CTNNA3: variants seen among roughly 807,000 people sequenced by gnomAD.
The protein encoded by CTNNA3 is catenin alpha-3.
CTNNA3 carries 76 observed loss-of-function variants against 95.7 expected under a neutral mutation model. That is an observed-to-expected ratio of 0.79 (90% confidence interval 0.66 to 0.96). The LOEUF is 0.96. Among genes scored for constraint, CTNNA3 ranks in the 40% least tolerant of loss-of-function variants. CTNNA3 has a pLI of 0.00. For missense variants in CTNNA3, 1,191 were observed against 1,089.8 expected (o/e 1.09, Z -1.31); for synonymous variants, 431 against 374.4 (o/e 1.15, Z -1.74).
intron 7 of CTNNA3, among the ~76,000 whole-genome samples, chr10:67,007,880 G>A (rs1418059396): frequency 6.6e-6 from 1 of 151,854 alleles, no homozygotes; most frequent in African/African-American, 2.4e-5. Context: ...TATATACAAA[G>A]GAAGCTACAG....
chr10:66,861,362 TC>T (rs544492747), intron 7 of CTNNA3, among the ~76,000 whole-genome samples: 11 of 152,100 alleles, frequency 7.2e-5, no homozygotes, highest in Non-Finnish European at 1.2e-4. Flanking sequence ...TACACCAGTT[TC>T]CCCCACATCC....
chr10:67,414,827 A>G (rs1845488134), intron 5 of CTNNA3, among the ~76,000 whole-genome samples: 1 of 152,248 alleles, frequency 6.6e-6, no homozygotes, highest in African/African-American at 2.4e-5. Flanking sequence ...AAATACTTGC[A>G]TATGTTGCAA....
At chr10:67,579,881 G>A (rs535485815) in intron 3 of CTNNA3, among the ~76,000 whole-genome samples, 222 of 152,178 alleles carry the variant, frequency 1.5e-3, no homozygotes, top group African/African-American at 4.9e-3. Context: ...CATATCCTTC[G>A]CCCATTTTTT....
chr10:67,124,415 T>C (rs755039788), intron 7 of CTNNA3, among the ~76,000 whole-genome samples: 3 of 146,244 alleles, frequency 2.1e-5, no homozygotes, highest in Non-Finnish European at 3.0e-5. Context: ...AAACACTCTT[T>C]ACTCCCAATC....
rs1564841578 is a variant in CTNNA3, at chr10:67,727,079, T to C, written c.-2+36355A>G. On this transcript the variant is annotated intron_variant, in intron 1 of 17. Coordinates refer to the CTNNA3 transcript ENST00000684154. ...ATAATTATATATAATATATGATACA[T>C]ATATGATATAATTATATATAATATA... Among the ~76,000 whole-genome samples the C allele has an allele frequency of 1.8e-5, 2 of 112,828 alleles. 1 individual carries two copies. The highest frequency in any genetic ancestry group is 8.0e-5 in the African/African-American group (2 of 24,878). 74.0% of individuals were successfully genotyped at this position (112,828 alleles called of 152,430 possible). A position where few individuals can be genotyped will look rare whatever the true frequency, so the allele number is the denominator to read the frequency against.
rs149934927 is a variant in CTNNA3, at chr10:65,934,854, G to A, written c.2401-14237C>T. On this transcript the variant is annotated intron_variant, in intron 17 of 17. Transcript: ENST00000433211. ...CCTAGGTAATCATTGATTGAGGACCGATATAAGATGGCCATTGATTTTAGG... is the reference window on the plus strand; with the variant it reads ...CCTAGGTAATCATTGATTGAGGACCAATATAAGATGGCCATTGATTTTAGG... Among the ~76,000 whole-genome samples the A allele has an allele frequency of 2.2e-3, 335 of 152,190 alleles. 3 individuals carry two copies. Among genetic ancestry groups the A allele is most frequent in the Admixed American group, 5.6e-3 (86 of 15,274 alleles).
At chr10:66,367,850 TATAATAATAATAATA>T (rs201921395) in intron 12 of CTNNA3, among the ~76,000 whole-genome samples, 1,776 of 100,176 alleles carry the variant, frequency 0.018, 25 homozygotes, top group Middle Eastern at 0.062. Flanking sequence ...AGGCTTCTTT[TATAATAATAATAATA>T]ATAATAATAA....
intron 13 of CTNNA3, among the ~76,000 whole-genome samples, chr10:66,269,995 A>G (rs998250877): frequency 1.3e-5 from 2 of 152,136 alleles, no homozygotes; most frequent in African/African-American, 2.4e-5. Context: ...CATCCTTGGA[A>G]CTCTTAAAAC....
chr10:66,123,136 T>C (rs1406258313), intron 13 of CTNNA3, among the ~76,000 whole-genome samples: 1 of 152,176 alleles, frequency 6.6e-6, no homozygotes, highest in Non-Finnish European at 1.5e-5. Flanking sequence ...CAAGGCAATT[T>C]CCTTCTGCTT....
At chr10:67,736,110 C>T (rs1841300823) in intron 1 of CTNNA3, among the ~76,000 whole-genome samples, 2 of 151,732 alleles carry the variant, frequency 1.3e-5, no homozygotes, top group East Asian at 3.9e-4. Context: ...ATTATTTAGC[C>T]AAAAAAAGAA....
chr10:66,755,464 A>T (rs1160373935), intron 9 of CTNNA3, among the ~76,000 whole-genome samples: 1 of 152,170 alleles, frequency 6.6e-6, no homozygotes, highest in Non-Finnish European at 1.5e-5. Context: ...TAGATATCTC[A>T]AAAAAGATCA....
chr10:66,773,260 CAG>C (rs553145859), intron 8 of CTNNA3, among the ~76,000 whole-genome samples: 257 of 152,306 alleles, frequency 1.7e-3, no homozygotes, highest in African/African-American at 5.8e-3. Flanking sequence ...CTACAACAGA[CAG>C]AACTTCTGCC....
intron 11 of CTNNA3, among the ~76,000 whole-genome samples, chr10:66,419,097 T>C (rs991359385): frequency 6.6e-6 from 1 of 152,076 alleles, no homozygotes; most frequent in Non-Finnish European, 1.5e-5. Flanking sequence ...TCTTTGCAGA[T>C]GACATGATAC....
intron 12 of CTNNA3, among the ~76,000 whole-genome samples, chr10:66,314,271 AT>A (rs1265085818): frequency 6.6e-6 from 1 of 152,232 alleles, no homozygotes; most frequent in Non-Finnish European, 1.5e-5. Flanking sequence ...GCTTTAGCTA[AT>A]TCATAAGTGA....
intron 7 of CTNNA3, among the ~76,000 whole-genome samples, chr10:67,040,555 G>T (rs1423921973): frequency 1.3e-5 from 2 of 151,932 alleles, no homozygotes; most frequent in Non-Finnish European, 2.9e-5. Context: ...AGTTCTTATG[G>T]ATTCTTCTGA....
At chr10:66,221,344 T>C (rs17835285) in intron 13 of CTNNA3, among the ~76,000 whole-genome samples, 14,985 of 152,298 alleles carry the variant, frequency 0.098, 928 homozygotes, top group Middle Eastern at 0.18. Context: ...GTGACCTGTA[T>C]CATAAACAAG....
At chr10:66,577,380 C>T (rs1843039531) in intron 10 of CTNNA3, among the ~76,000 whole-genome samples, 1 of 152,006 alleles carries the variant, frequency 6.6e-6, no homozygotes, top group Non-Finnish European at 1.5e-5. Flanking sequence ...CTTTTGGGAA[C>T]TTAGTCATAA....
intron 7 of CTNNA3, among the ~76,000 whole-genome samples, chr10:66,971,194 G>A (rs1404066054): frequency 1.3e-5 from 2 of 152,056 alleles, no homozygotes; most frequent in African/African-American, 2.4e-5. Flanking sequence ...TTGGGAGACC[G>A]AGGCAGGCAG....
chr10:66,993,061 C>T (rs1202302667), intron 7 of CTNNA3, among the ~76,000 whole-genome samples: 2 of 152,142 alleles, frequency 1.3e-5, no homozygotes, highest in East Asian at 3.9e-4. Context: ...CACAAAATTC[C>T]GTTTCCCATG....
Sources: allele counts gnomAD v4.1 joint callset (sites outside exome capture counted in the v4.1 genomes callset), GRCh38; gene constraint gnomAD v4.1.1; transcripts MANE v1.5; gene names NCBI Gene and HGNC (gene_info 2026-07-23, HGNC 2026-07-21).